Variants in SPECC1 observed in about 807,000 individuals in gnomAD.
SPECC1 encodes sperm antigen with calponin homology and coiled-coil domains 1.
A neutral mutation model predicts 104.1 loss-of-function variants in SPECC1; 62 were observed. That is an observed-to-expected ratio of 0.60 (90% CI 0.49 to 0.74). The LOEUF (loss-of-function observed/expected upper bound fraction) is 0.74, where lower values mean the gene tolerates loss of function less well. Ranked by LOEUF, SPECC1 falls within the 30% of genes least tolerant of loss-of-function variation. SPECC1 has a pLI of 0.00. For missense variants in SPECC1, 1,306 were observed against 1,310.5 expected (o/e 1.00, Z 0.05); for synonymous variants, 513 against 501.6 (o/e 1.02, Z -0.30).
intron 5 of SPECC1, among the ~76,000 whole-genome samples, chr17:20,231,420 G>A (rs940930964): frequency 1.3e-5 from 2 of 152,166 alleles, no homozygotes; most frequent in Non-Finnish European, 2.9e-5. Context: ...GTGTGAGTGC[G>A]AGGGAGGCCG....
At chr17:20,290,450 G>A (rs564662591) in intron 12 of SPECC1, 3 of 151,430 alleles carry the variant, frequency 2.0e-5, no homozygotes, top group South Asian at 2.1e-4. Context: ...TCCCACCTCA[G>A]CTTCCCAAGT....
chr17:20,186,971 G>A (rs142337783), intron 3 of SPECC1, among the ~76,000 whole-genome samples: 1 of 152,218 alleles, frequency 6.6e-6, no homozygotes, highest in African/African-American at 2.4e-5. Flanking sequence ...AGTTCTATGT[G>A]CTGTATTAAT....
chr17:20,175,092 G>A (rs1448585433), intron 3 of SPECC1, among the ~76,000 whole-genome samples: 1 of 152,146 alleles, frequency 6.6e-6, no homozygotes, highest in African/African-American at 2.4e-5. Context: ...TGGCGGGAGA[G>A]CCCTGGCCAG....
In SPECC1 at chr17:20,205,528, T is replaced by C; in HGVS notation, c.1479T>C (p.Cys493=). 4 of 1,614,198 alleles carry C rather than the reference T, an allele frequency of 2.5e-6. No homozygotes were observed. The highest frequency in any genetic ancestry group is 3.4e-6 in the Non-Finnish European group (4 of 1,180,030). ...KLLNIQQQLT[C]SLRKVEEENQ... Reference sequence around the variant, plus strand: ...TCAACATTCAGCAGCAGTTGACCTGTAGCTTGCGGAAGGTTGAGGAAGAAA... The same window carrying C: ...TCAACATTCAGCAGCAGTTGACCTGCAGCTTGCGGAAGGTTGAGGAAGAAA... Residue 493 remains cysteine, a synonymous_variant, in exon 4 of 15, where the codon TGT becomes TGC. Transcript: ENST00000395527.
intron 1 of SPECC1, among the ~76,000 whole-genome samples, chr17:20,014,102 C>T (rs1286250555): frequency 1.3e-5 from 2 of 152,208 alleles, no homozygotes; most frequent in African/African-American, 4.8e-5. Context: ...TATGTGGTTG[C>T]TCCACATTCT....
At chr17:20,144,655 C>T (rs946088318) in intron 3 of SPECC1, among the ~76,000 whole-genome samples, 2 of 152,126 alleles carry the variant, frequency 1.3e-5, no homozygotes, top group African/African-American at 4.8e-5. Flanking sequence ...TCTGTTTTAG[C>T]AATAGGGTCT....
chr17:20,303,442 G>T (rs2041657546), intron 13 of SPECC1, among the ~76,000 whole-genome samples: 1 of 152,180 alleles, frequency 6.6e-6, no homozygotes, highest in Non-Finnish European at 1.5e-5. Context: ...CAAGGCATGG[G>T]CCACAGACTG....
intron 3 of SPECC1, among the ~76,000 whole-genome samples, chr17:20,144,514 G>T (rs2031240929): frequency 6.6e-6 from 1 of 151,886 alleles, no homozygotes; most frequent in African/African-American, 2.4e-5. Context: ...TGACCCCATT[G>T]GTACCCCTAG....
At chr17:20,088,205 G>A (rs2047252437) in intron 1 of SPECC1, among the ~76,000 whole-genome samples, 1 of 152,196 alleles carries the variant, frequency 6.6e-6, no homozygotes, top group African/African-American at 2.4e-5. Flanking sequence ...TGTAGGGAGT[G>A]ATGTGATCTG....
rs556455801 is a variant in SPECC1, at chr17:20,289,953, C to G, written c.2941-7008C>G. ...AGAGAGAAGAAGAGTGTTTCCTGAT[C>G]ATGGGCTTGGGCTTGTCTACCTGAC... On this transcript the variant is annotated intron_variant, in intron 12 of 14. Transcript: ENST00000395527. Among the ~76,000 whole-genome samples the G allele has an allele frequency of 1.8e-4, 27 of 152,236 alleles. No homozygotes were observed. In the South Asian group the frequency reaches 5.4e-3, roughly 30 times the overall value.
At chr17:20,198,952 T>A (rs932010441) in intron 3 of SPECC1, among the ~76,000 whole-genome samples, 1 of 152,214 alleles carries the variant, frequency 6.6e-6, no homozygotes, top group East Asian at 1.9e-4. Context: ...CCTCTGTGAT[T>A]GATTTATAGT....
At chr17:20,098,670 G>T (rs993046140) in intron 2 of SPECC1, among the ~76,000 whole-genome samples, 7 of 152,358 alleles carry the variant, frequency 4.6e-5, no homozygotes, top group Middle Eastern at 3.4e-3. Context: ...TCCTGCGGCA[G>T]TGTGTTTGTG....
chr17:20,187,001 C>T (rs2035326250), intron 3 of SPECC1, among the ~76,000 whole-genome samples: 2 of 152,092 alleles, frequency 1.3e-5, no homozygotes, highest in African/African-American at 4.8e-5. Context: ...TTGAGTATCC[C>T]TTATCTGAAA....
At chr17:20,055,534 T>A (rs115538522) in intron 1 of SPECC1, among the ~76,000 whole-genome samples, 317 of 152,352 alleles carry the variant, frequency 2.1e-3, no homozygotes, top group African/African-American at 7.4e-3. Flanking sequence ...CTGTTCATTT[T>A]AAGTCTCTAG....
chr17:20,266,119 T>C (rs916086520), intron 12 of SPECC1, among the ~76,000 whole-genome samples: 12 of 152,218 alleles, frequency 7.9e-5, no homozygotes, highest in African/African-American at 2.9e-4. Context: ...AAAATGACAT[T>C]TGTAGTTTGA....
chr17:20,138,462 G>A (rs1333310974), intron 3 of SPECC1, among the ~76,000 whole-genome samples: 3 of 152,026 alleles, frequency 2.0e-5, no homozygotes, highest in Non-Finnish European at 2.9e-5. Context: ...GCCACGTATC[G>A]GCAATTGTAA....
intron 4 of SPECC1, among the ~76,000 whole-genome samples, chr17:20,209,271 T>C (rs1361128534): frequency 1.3e-5 from 2 of 152,154 alleles, no homozygotes; most frequent in African/African-American, 2.4e-5. Context: ...CCATGAGCAG[T>C]GCATTCATCC....
intron 1 of SPECC1, among the ~76,000 whole-genome samples, chr17:20,030,444 C>T (rs916300025): frequency 9.9e-5 from 15 of 150,816 alleles, no homozygotes; most frequent in Admixed American, 8.6e-4. Flanking sequence ...TTTTAAGTTC[C>T]CTGTTATATT....
intron 1 of SPECC1, among the ~76,000 whole-genome samples, chr17:20,045,398 G>A (rs7207702): frequency 0.069 from 10,512 of 152,150 alleles, 985 homozygotes; most frequent in African/African-American, 0.21. Context: ...TTTTGTGTGT[G>A]TATCTGCTGT....
Sources: gnomAD v4.1 joint callset for allele counts (sites outside exome capture counted in the v4.1 genomes callset) on GRCh38, gnomAD v4.1.1 for gene constraint, MANE v1.5 for transcripts, NCBI Gene and HGNC (gene_info 2026-07-23, HGNC 2026-07-21) for gene names.